Variants in ARHGAP42 observed in about 807,000 individuals in gnomAD.
ARHGAP42 encodes the protein Rho GTPase activating protein 42.
ARHGAP42 carries 63 observed loss-of-function variants against 125.0 expected under a neutral mutation model. The ratio of observed to expected loss-of-function variants is 0.50; its 90% CI spans 0.41 to 0.62. The LOEUF (loss-of-function observed/expected upper bound fraction) is 0.62. Ranked by LOEUF, ARHGAP42 falls within the 20% of genes least tolerant of loss-of-function variation. ARHGAP42 has a pLI of 0.00. For missense variants in ARHGAP42, 766 were observed against 1,024.2 expected (o/e 0.75, Z 3.44); for synonymous variants, 339 against 351.0 (o/e 0.97, Z 0.38).
intron 5 of ARHGAP42, among the ~76,000 whole-genome samples, chr11:100,917,643 C>T (rs948792570): frequency 1.3e-5 from 2 of 152,174 alleles, no homozygotes; most frequent in African/African-American, 4.8e-5. Context: ...ATGATCTTGG[C>T]TCACTGCAAC....
intron 4 of ARHGAP42, among the ~76,000 whole-genome samples, chr11:100,860,304 A>G (rs1388911505): frequency 1.3e-5 from 2 of 152,106 alleles, no homozygotes; most frequent in African/African-American, 2.4e-5. Flanking sequence ...TGTCCATTCT[A>G]ATGCAGAATT....
intron 1 of ARHGAP42, among the ~76,000 whole-genome samples, chr11:100,690,853 G>T (rs1861177134): frequency 6.6e-6 from 1 of 152,094 alleles, no homozygotes; most frequent in African/African-American, 2.4e-5. Flanking sequence ...GCCCGCCTCA[G>T]CCTCCCAAAG....
intron 22 of ARHGAP42, among the ~76,000 whole-genome samples, chr11:100,982,952 G>A (rs904345732): frequency 1.3e-5 from 2 of 152,136 alleles, no homozygotes; most frequent in South Asian, 2.1e-4. Context: ...AAAAAAATTT[G>A]TGATGTTTAA....
chr11:100,843,618 G>A (rs1172800333), intron 3 of ARHGAP42, among the ~76,000 whole-genome samples: 1 of 151,974 alleles, frequency 6.6e-6, no homozygotes, highest in Admixed American at 6.6e-5. Context: ...CCAGATAAAA[G>A]ATTAATGTAC....
intron 1 of ARHGAP42, among the ~76,000 whole-genome samples, chr11:100,741,740 T>G (rs980240903): frequency 6.6e-6 from 1 of 152,236 alleles, no homozygotes; most frequent in Non-Finnish European, 1.5e-5. Context: ...TGTCCCATTG[T>G]GAAAGCAGAA....
rs1226097621 is a variant in ARHGAP42 at position 100,733,186 on chromosome 11, A to G, written c.155-37157A>G. On this transcript the variant is annotated intron_variant, in intron 1 of 23. Coordinates refer to ENST00000298815, the MANE Select transcript of ARHGAP42 (RefSeq NM_152432.4). ...CAGATTCCAATGAGCTGGTTGACTC[A>G]TGACAAGTTAATCAATATAGCCAAA... Among the ~76,000 whole-genome samples, 3 of 152,370 alleles carry G rather than the reference A, an allele frequency of 2.0e-5. No homozygotes were observed. The East Asian group carries it at 5.8e-4, about 29-fold the overall frequency.
chr11:100,796,994 C>A (rs112671921), intron 3 of ARHGAP42, among the ~76,000 whole-genome samples: 7,669 of 152,156 alleles, frequency 0.05, 295 homozygotes, highest in Non-Finnish European at 0.079. Flanking sequence ...GTCTTGAACT[C>A]CTGACCTCGT....
chr11:100,923,275 CT>C (rs1867330006), intron 6 of ARHGAP42, among the ~76,000 whole-genome samples: 1 of 152,184 alleles, frequency 6.6e-6, no homozygotes, highest in Non-Finnish European at 1.5e-5. Context: ...TTCAGCTCTT[CT>C]TGACACCAAA....
intron 12 of ARHGAP42, among the ~76,000 whole-genome samples, chr11:100,950,981 G>T (rs1490552485): frequency 6.6e-6 from 1 of 152,016 alleles, no homozygotes; most frequent in Non-Finnish European, 1.5e-5. Flanking sequence ...CTCCCAAAGT[G>T]CTGGGATTAC....
intron 4 of ARHGAP42, among the ~76,000 whole-genome samples, chr11:100,888,650 A>G (rs954811021): frequency 6.6e-6 from 1 of 152,258 alleles, no homozygotes; most frequent in Non-Finnish European, 1.5e-5. Context: ...CTTGTTCCAG[A>G]TAATTTACCT....
chr11:100,978,147 A>C (rs1157626179), intron 21 of ARHGAP42, among the ~76,000 whole-genome samples: 1 of 152,062 alleles, frequency 6.6e-6, no homozygotes, highest in Non-Finnish European at 1.5e-5. Context: ...TATAAACTCC[A>C]TTCTTGGTGG....
intron 2 of ARHGAP42, among the ~76,000 whole-genome samples, chr11:100,774,671 G>T (rs773574003): frequency 2.0e-5 from 3 of 152,182 alleles, no homozygotes; most frequent in Non-Finnish European, 4.4e-5. Context: ...CTTTCATTGC[G>T]CTTACAGTGG....
intron 6 of ARHGAP42, among the ~76,000 whole-genome samples, chr11:100,925,485 C>T (rs1429876695): frequency 6.6e-6 from 1 of 152,032 alleles, no homozygotes; most frequent in East Asian, 1.9e-4. Context: ...CGCCTGTAAT[C>T]CCAGCACTTT....
Position 100,942,952 on chromosome 11 carries a change from A to G in ARHGAP42, c.934-807A>G, listed in dbSNP as rs79408045. On this transcript the variant is annotated intron_variant, in intron 9 of 23. Transcript: ENST00000298815. ...GACCAAGCCAAAGTTCTATTAATCA[A>G]TTGATGACATTTGTAGCCAAAGATA... Among the ~76,000 whole-genome samples, 29 of 152,192 alleles carry G rather than the reference A, an allele frequency of 1.9e-4. 1 individual carries two copies. In the East Asian group the frequency reaches 5.6e-3, roughly 30 times the overall value.
intron 4 of ARHGAP42, among the ~76,000 whole-genome samples, chr11:100,902,046 C>T (rs1289381809): frequency 6.6e-6 from 1 of 152,170 alleles, no homozygotes; most frequent in Non-Finnish European, 1.5e-5. Flanking sequence ...TTGGAACAGA[C>T]CCTCTTTTTT....
At chr11:100,962,365 A>G in intron 15 of ARHGAP42, 44 bp from the exon 16 acceptor site, 1 of 1,477,668 alleles carries the variant, frequency 6.8e-7, no homozygotes, top group Non-Finnish European at 9.2e-7. Context: ...GGGGAGAATA[A>G]AAGATTCTAC....
At chr11:100,844,959 A>G (rs990019597) in intron 3 of ARHGAP42, among the ~76,000 whole-genome samples, 13 of 152,246 alleles carry the variant, frequency 8.5e-5, no homozygotes, top group Admixed American at 5.9e-4. Flanking sequence ...GAGGAAATGA[A>G]GTCATTATAT....
chr11:100,780,873 T>G (rs892705685), intron 2 of ARHGAP42, among the ~76,000 whole-genome samples: 4 of 152,210 alleles, frequency 2.6e-5, no homozygotes, highest in African/African-American at 9.6e-5. Flanking sequence ...CTAATTATGC[T>G]AAGAGAACAT....
intron 3 of ARHGAP42, among the ~76,000 whole-genome samples, chr11:100,843,719 A>T (rs1001144358): frequency 6.6e-6 from 1 of 151,948 alleles, no homozygotes; most frequent in Admixed American, 6.6e-5. Context: ...GGAAAAAAAA[A>T]TGCTTAGGAA....
Sources: gnomAD v4.1 joint callset for allele counts (sites outside exome capture counted in the v4.1 genomes callset) on GRCh38, gnomAD v4.1.1 for gene constraint, MANE v1.5 for transcripts, NCBI Gene and HGNC (gene_info 2026-07-23, HGNC 2026-07-21) for gene names.